Variants in LOC400499 observed in about 807,000 individuals in gnomAD.
the LOC400499 span, among the ~76,000 whole-genome samples, chr16:11,468,593 T>G: frequency 6.6e-6 from 1 of 152,192 alleles, no homozygotes; most frequent in Non-Finnish European, 1.5e-5. Flanking sequence ...CCCAACTTTC[T>G]GTAATTACAG....
At chr16:11,430,490 C>T in the LOC400499 span, among the ~76,000 whole-genome samples, 1 of 150,006 alleles carries the variant, frequency 6.7e-6, no homozygotes, top group African/African-American at 2.5e-5. Context: ...AACTCAGTCT[C>T]AAAAAAGAAA....
chr16:11,445,950 G>C, the LOC400499 span, among the ~76,000 whole-genome samples: 1 of 150,292 alleles, frequency 6.7e-6, no homozygotes, highest in African/African-American at 2.5e-5. Flanking sequence ...TCAGCCTCCT[G>C]AGTAGCTGGG....
chr16:11,495,805 G>A, the LOC400499 span, among the ~76,000 whole-genome samples: 14 of 152,356 alleles, frequency 9.2e-5, no homozygotes, highest in Middle Eastern at 3.4e-3. Flanking sequence ...ACAGGAAGCT[G>A]AGACACAGAA....
At chr16:11,494,675 C>G in the LOC400499 span, 1 of 399,524 alleles carries the variant, frequency 2.5e-6, no homozygotes. Context: ...GCCGCAGGGC[C>G]CGTCCAGAGA....
At chr16:11,473,197 G>A in the LOC400499 span, 154 of 151,608 alleles carry the variant, frequency 1.0e-3, no homozygotes, top group African/African-American at 3.6e-3. Context: ...AGCTCAGAAA[G>A]ATTTCTAAAA....
the LOC400499 span, among the ~76,000 whole-genome samples, chr16:11,395,398 C>T: frequency 5.3e-5 from 8 of 152,194 alleles, no homozygotes; most frequent in African/African-American, 1.2e-4. Context: ...GCCGAGCATC[C>T]GCCATGGGTT....
chr16:11,500,203 C>T, the LOC400499 span, among the ~76,000 whole-genome samples: 1 of 152,136 alleles, frequency 6.6e-6, no homozygotes, highest in Non-Finnish European at 1.5e-5. Flanking sequence ...CCACTGCCAT[C>T]CTCCTTATAG....
the LOC400499 span, among the ~76,000 whole-genome samples, chr16:11,389,531 A>G: frequency 0.015 from 2,242 of 152,114 alleles, 55 homozygotes; most frequent in African/African-American, 0.051. Context: ...AAAATACAAA[A>G]AATTAGCTGG....
At chr16:11,383,502 T>A in the LOC400499 span, 1 of 959,938 alleles carries the variant, frequency 1.0e-6, no homozygotes, top group Admixed American at 4.3e-5. Context: ...AAACAGGCAG[T>A]CTTAATAAAT....
chr16:11,405,406 A>C, the LOC400499 span, among the ~76,000 whole-genome samples: 3 of 152,226 alleles, frequency 2.0e-5, no homozygotes, highest in Non-Finnish European at 2.9e-5. Flanking sequence ...TAGTCGAGAT[A>C]GTCACAGGAC....
the LOC400499 span, among the ~76,000 whole-genome samples, chr16:11,373,781 G>A: frequency 2.6e-5 from 4 of 151,956 alleles, no homozygotes; most frequent in African/African-American, 4.8e-5. Flanking sequence ...CACTATGCCC[G>A]GCTAATTTTT....
chr16:11,474,843 C>A, the LOC400499 span, among the ~76,000 whole-genome samples: 1 of 152,138 alleles, frequency 6.6e-6, no homozygotes. Context: ...GCACTCCGGT[C>A]TGGACGACAG....
chr16:11,504,586 C>A, the LOC400499 span, among the ~76,000 whole-genome samples: 41 of 151,722 alleles, frequency 2.7e-4, 1 homozygote, highest in South Asian at 6.7e-3. Flanking sequence ...ATACGTAGGT[C>A]GATAAGAAAA....
chr16:11,505,826 A>T, the LOC400499 span, among the ~76,000 whole-genome samples: 1 of 152,090 alleles, frequency 6.6e-6, no homozygotes, highest in South Asian at 2.1e-4. Flanking sequence ...CATCTAATCA[A>T]ATCAGGATAA....
At chr16:11,496,148 C>T in the LOC400499 span, among the ~76,000 whole-genome samples, 1 of 151,580 alleles carries the variant, frequency 6.6e-6, no homozygotes, top group East Asian at 1.9e-4. Flanking sequence ...CTCACTGCAA[C>T]CTCTGCCTCC....
the LOC400499 span, among the ~76,000 whole-genome samples, chr16:11,492,389 G>C: frequency 6.6e-6 from 1 of 151,656 alleles, no homozygotes; most frequent in Non-Finnish European, 1.5e-5. Context: ...CACTGTGCTA[G>C]GTGACAGCCA....
the LOC400499 span, chr16:11,385,348 G>C: frequency 6.5e-6 from 8 of 1,232,124 alleles, no homozygotes; most frequent in Non-Finnish European, 8.1e-6. Context: ...CTGCCGCACT[G>C]GGTGCTGAGG....
chr16:11,402,256 C>A, the LOC400499 span: 1 of 398,662 alleles, frequency 2.5e-6, no homozygotes, highest in Admixed American at 4.4e-5. Flanking sequence ...GACGCCACTG[C>A]CAGCTCACGC....
the LOC400499 span, chr16:11,470,652 G>A: frequency 1.4e-4 from 21 of 152,290 alleles, no homozygotes; most frequent in Admixed American, 6.5e-4. Context: ...CTGAGCATGA[G>A]ACACGCAGTG....
Sources: allele counts gnomAD v4.1 joint callset (sites outside exome capture counted in the v4.1 genomes callset), GRCh38; gene constraint gnomAD v4.1.1; transcripts MANE v1.5.